GSTP1: variants seen among roughly 807,000 people sequenced by gnomAD.
The protein encoded by GSTP1 is glutathione S-transferase pi 1.
GSTP1 carries 28 observed loss-of-function variants against 29.4 expected under a neutral mutation model. The observed-to-expected ratio is 0.95, with a 90% CI of 0.71 to 1.30. The LOEUF (loss-of-function observed/expected upper bound fraction) is 1.30. Ranked by LOEUF, GSTP1 falls within the 50% of genes most tolerant of loss-of-function variation. GSTP1 has a pLI of 0.00. For missense variants in GSTP1, 267 were observed against 266.1 expected (o/e 1.00, Z -0.02); for synonymous variants, 122 against 117.0 (o/e 1.04, Z -0.28).
rs767694369 is a variant in GSTP1, at chr11:67,584,484, A to G, written c.58A>G (p.Met20Val). Reference sequence around the variant, plus strand: ...CGCAGGCCGCTGCGCGGCCCTGCGCATGCTGCTGGCAGATCAGGGCCAGAG... The same window carrying G: ...CGCAGGCCGCTGCGCGGCCCTGCGCGTGCTGCTGGCAGATCAGGGCCAGAG... The part of the protein sequence containing the change: ...PVRGRCAALR[M>V]LLADQGQSWK... Residue 20 changes from methionine to valine, a missense_variant, in exon 3 of 7, where the codon ATG becomes GTG. Transcript: ENST00000398606. 4 of 1,551,744 alleles carry G rather than the reference A, an allele frequency of 2.6e-6. No homozygotes were observed. In the South Asian group the frequency reaches 4.7e-5, roughly 18 times the overall value.
rs781578393 is a variant in GSTP1, at chr11:67,584,482, G to A, written c.56G>A (p.Arg19His). The A allele has an allele frequency of 3.2e-6, 5 of 1,549,008 alleles. No homozygotes were observed. The highest frequency in any genetic ancestry group is 1.2e-5 in the South Asian group (1 of 84,864). Residue 19 changes from arginine (R) to histidine (H), a missense_variant, in exon 3 of 7, where the codon CGC (arginine) becomes CAC (histidine). Coordinates refer to ENST00000398606, the MANE Select transcript of GSTP1 (RefSeq NM_000852.4). ...FPVRGRCAAL[R>H]MLLADQGQSW... is the part of the protein sequence containing the mutation. ...CCCGCAGGCCGCTGCGCGGCCCTGCGCATGCTGCTGGCAGATCAGGGCCAG... is the reference window on the plus strand; with the variant it reads ...CCCGCAGGCCGCTGCGCGGCCCTGCACATGCTGCTGGCAGATCAGGGCCAG...
At chr11:67,585,014 C>T in intron 4 of GSTP1, 124 bp from the exon 5 acceptor site, 1 of 668,714 alleles carries the variant, frequency 1.5e-6, no homozygotes, top group Non-Finnish European at 2.6e-6. Context: ...TCCTTCCACG[C>T]ACATCCTCTT....
Position 67,584,587 on chromosome 11 carries a change from G to A in GSTP1, c.144+17G>A, listed in dbSNP as rs766799129. 1 of 1,584,738 alleles carries A rather than the reference G, an allele frequency of 6.3e-7. No homozygotes were observed. The highest frequency in any genetic ancestry group is 1.1e-5 in the South Asian group (1 of 90,228). On this transcript the variant is annotated intron_variant, in intron 3 of 6. Transcript: ENST00000398606. ...GCCTCCTGCGTAAGTGACCATGCCC[G>A]GGCAAGGGGAGGGGGTGCTGGGCCT...
At chr11:67,585,867 A>G (rs1867459082) in intron 5 of GSTP1, among the ~76,000 whole-genome samples, 1 of 152,156 alleles carries the variant, frequency 6.6e-6, no homozygotes. Flanking sequence ...AGGATCCTCC[A>G]GAGAAGCCAG....
In GSTP1 at chr11:67,584,675, C is replaced by T. The variant is rs1867436040; in HGVS notation, c.145-10C>T. On this transcript the variant is annotated splice_polypyrimidine_tract_variant and intron_variant, in intron 3 of 6. Coordinates refer to ENST00000398606, the MANE Select transcript of GSTP1 (RefSeq NM_000852.4). ...CAGTGCCCCTCCCTGAGCCATGCCTCCCCCAACAGCTATACGGGCAGCTCC... is the reference window on the plus strand; with the variant it reads ...CAGTGCCCCTCCCTGAGCCATGCCTTCCCCAACAGCTATACGGGCAGCTCC... 6.2e-7 allele frequency: 1 copy of T among 1,611,360 alleles called. No homozygotes were observed. Among genetic ancestry groups the T allele is most frequent in the Non-Finnish European group, 8.5e-7 (1 of 1,177,698 alleles).
At chr11:67,584,849 GC>G in intron 4 of GSTP1, 77 bp downstream of exon 4, 1 of 1,079,530 alleles carries the variant, frequency 9.3e-7, no homozygotes. Flanking sequence ...TAAATCAGCT[GC>G]CCCGCAGCCC....
At chr11:67,584,303 C>A (rs2370143) in intron 2 of GSTP1, 134 bp downstream of exon 2, 1 of 749,580 alleles carries the variant, frequency 1.3e-6, no homozygotes, top group Non-Finnish European at 2.2e-6. Flanking sequence ...CCTTCCTGTT[C>A]CCCGCCTCTC....
chr11:67,584,444 G>A lies in GSTP1; in HGVS notation c.38-20G>A. ...GGAGTCGGCCCGGTCCCCACATCTCGTACTTCTCCCTCCCCGCAGGCCGCT... is the reference window on the plus strand; with the variant it reads ...GGAGTCGGCCCGGTCCCCACATCTCATACTTCTCCCTCCCCGCAGGCCGCT... On this transcript the variant is annotated intron_variant, in intron 2 of 6. Transcript: ENST00000398606. The A allele has an allele frequency of 7.1e-7, 1 of 1,399,686 alleles. No homozygotes were observed. Among genetic ancestry groups the A allele is most frequent in the Non-Finnish European group, 9.7e-7 (1 of 1,035,622 alleles). The allele number at this position is 1,399,686 out of a possible 1,614,324, so 86.7% of individuals were successfully genotyped here.
At chr11:67,584,370 C>G in intron 2 of GSTP1, 94 bp from the exon 3 acceptor site, 1 of 742,998 alleles carries the variant, frequency 1.3e-6, no homozygotes, top group Non-Finnish European at 2.2e-6. Flanking sequence ...GAACCTGTTT[C>G]CCTGTTCCCT....
chr11:67,586,300 G>T, intron 6 of GSTP1, 89 bp downstream of exon 6: 1 of 1,533,382 alleles, frequency 6.5e-7, no homozygotes. Flanking sequence ...GCAAAGCAGA[G>T]CAGACCTAGG....
chr11:67,584,356 G>C lies in GSTP1; in HGVS notation c.38-108G>C, dbSNP rs8191446. 0.013 allele frequency: 9,335 copies of C among 729,950 alleles called. 579 individuals carry two copies. The African/African-American group carries it at 0.14, about 11-fold the overall frequency. 45.2% of individuals were successfully genotyped at this position (729,950 alleles called of 1,614,324 possible). On this transcript the variant is annotated intron_variant, in intron 2 of 6. Coordinates refer to ENST00000398606, the MANE Select transcript of GSTP1 (RefSeq NM_000852.4). ...CGCCCCAGTGTTGTGTGAAATCTTC[G>C]GAGGAACCTGTTTCCCTGTTCCCTC...
In GSTP1 at chr11:67,584,597, A is replaced by T. The variant is rs760085872; in HGVS notation, c.144+27A>T. The T allele has an allele frequency of 2.5e-6, 4 of 1,572,856 alleles. No individual in the cohort carries two copies. The East Asian group carries it at 9.0e-5, about 35-fold the overall frequency. ...TAAGTGACCATGCCCGGGCAAGGGG[A>T]GGGGGTGCTGGGCCTTAGGGGGCTG... On this transcript the variant is annotated intron_variant, in intron 3 of 6. Coordinates refer to ENST00000398606, the MANE Select transcript of GSTP1 (RefSeq NM_000852.4).
intron 4 of GSTP1, 150 bp downstream of exon 4, chr11:67,584,922 GTGCCTGCAATCCTTGCCCTGTGCCAGGC>G (rs1867440896): frequency 1.4e-6 from 1 of 690,724 alleles, no homozygotes; most frequent in East Asian, 2.7e-5. Context: ...TCAAGCCTGG[GTGCCTGCAATCCTTGCCCTGTGCCAGGC>G]TGCCTCCCAG....
intron 5 of GSTP1, among the ~76,000 whole-genome samples, chr11:67,585,677 GCA>G (rs1867456195): frequency 6.7e-6 from 1 of 148,444 alleles, no homozygotes; most frequent in Non-Finnish European, 1.5e-5. Flanking sequence ...GCGTGCGTGT[GCA>G]TGTGTGTGCG....
chr11:67,585,666 C>T (rs573972037), intron 5 of GSTP1, among the ~76,000 whole-genome samples: 4 of 150,852 alleles, frequency 2.7e-5, no homozygotes, highest in Non-Finnish European at 5.9e-5. Context: ...AGCGTGTGTG[C>T]GCGTGCGTGT....
At position 67,586,481 on chromosome 11, in the gene GSTP1, A is replaced by T; in HGVS notation, c.537A>T (p.Ala179=). 1 of 1,614,176 alleles carries T rather than the reference A, an allele frequency of 6.2e-7. No homozygotes were observed. The highest frequency in any genetic ancestry group is 1.3e-5 in the African/African-American group (1 of 75,072). ...GCLDAFPLLS[A]YVGRLSARPK... Reference sequence around the variant, plus strand: ...TGGATGCGTTCCCCCTGCTCTCAGCATATGTGGGGCGCCTCAGTGCCCGGC... The same window carrying T: ...TGGATGCGTTCCCCCTGCTCTCAGCTTATGTGGGGCGCCTCAGTGCCCGGC... Residue 179 remains alanine, a synonymous_variant, in exon 7 of 7, where the codon GCA becomes GCT. Coordinates refer to ENST00000398606, the MANE Select transcript of GSTP1 (RefSeq NM_000852.4).
chr11:67,584,300 G>A, intron 2 of GSTP1, 131 bp downstream of exon 2: 1 of 770,760 alleles, frequency 1.3e-6, no homozygotes, highest in African/African-American at 1.7e-5. Flanking sequence ...CCTCCTTCCT[G>A]TTCCCCGCCT....
chr11:67,585,964 G>C (rs898467999), intron 5 of GSTP1, 140 bp from the exon 6 acceptor site: 2 of 636,140 alleles, frequency 3.1e-6, no homozygotes, highest in Non-Finnish European at 5.7e-6. Context: ...CAGCTGAAGT[G>C]GACAGGATTT....
intron 2 of GSTP1, 82 bp downstream of exon 2, chr11:67,584,251 A>G: frequency 8.8e-7 from 1 of 1,131,984 alleles, no homozygotes; most frequent in South Asian, 1.3e-5. Context: ...GAGAGATCCG[A>G]ACCCCCTTAT....
Sources: allele counts gnomAD v4.1 joint callset (sites outside exome capture counted in the v4.1 genomes callset), GRCh38; gene constraint gnomAD v4.1.1; transcripts MANE v1.5; gene names NCBI Gene and HGNC (gene_info 2026-07-23, HGNC 2026-07-21).